ENDOU: variants seen among roughly 807,000 people sequenced by gnomAD.
The protein encoded by ENDOU is endonuclease, poly(U) specific.
A neutral mutation model predicts 54.2 loss-of-function variants in ENDOU; 49 were observed. The observed-to-expected ratio is 0.90, with a 90% CI of 0.72 to 1.15. ENDOU has a LOEUF of 1.15. Ranked by LOEUF, ENDOU falls within the 50% of genes most tolerant of loss-of-function variation. ENDOU has a pLI of 0.00. For synonymous variants in ENDOU, 172 were observed against 190.5 expected, an observed-to-expected ratio of 0.90 and a Z score of 0.80; for missense variants, 458 against 511.4, an observed-to-expected ratio of 0.90 and a Z score of 1.01.
In ENDOU at chr12:47,725,396, G is replaced by T. The variant is rs1940554098; in HGVS notation, c.18C>A (p.Ser6=). The part of the protein sequence containing the change: MRACI[S]LVLAVLCGLA... ...GGCCACACAGCACGGCCAATACCAGGGAGATGCAGGCCCTCATGGTGCCCA... is the reference window on the plus strand; with the variant it reads ...GGCCACACAGCACGGCCAATACCAGTGAGATGCAGGCCCTCATGGTGCCCA... Residue 6 remains serine (S), a synonymous_variant, in exon 1 of 10, where the codon TCC becomes TCA. Coordinates refer to ENST00000422538, the MANE Select transcript of ENDOU (RefSeq NM_001172439.2). 6.2e-7 allele frequency: 1 copy of T among 1,614,084 alleles called. No homozygotes were observed. Among genetic ancestry groups the T allele is most frequent in the Admixed American group, 1.7e-5 (1 of 60,010 alleles).
rs1041240382 is a variant in ENDOU, at chr12:47,710,066, G to A, written c.*736C>T. The A allele has an allele frequency of 1.3e-5, 2 of 152,298 alleles. No homozygotes were observed. The highest frequency in any genetic ancestry group is 2.9e-5 in the Non-Finnish European group (2 of 68,032). 9.4% of individuals were successfully genotyped at this position (152,298 alleles called of 1,614,324 possible). On this transcript the variant is annotated 3_prime_UTR_variant, in exon 10 of 10. Transcript: ENST00000422538. ...GGCTGCACTAAACATCCACAAGTGG[G>A]AAACTTCTTGTTGCAGATACTGAGC...
chr12:47,720,983 A>AGTAATGCCCTTCCCTGCC, intron 1 of ENDOU, 108 bp from the exon 2 acceptor site: 1 of 1,074,412 alleles, frequency 9.3e-7, no homozygotes, highest in Non-Finnish European at 1.3e-6. Flanking sequence ...CCTGGCAGGG[A>AGTAATGCCCTTCCCTGCC]AGGGCATTAC....
chr12:47,714,086 CTAG>C (rs941302121), intron 6 of ENDOU, among the ~76,000 whole-genome samples: 3 of 152,240 alleles, frequency 2.0e-5, no homozygotes, highest in Non-Finnish European at 2.9e-5. Flanking sequence ...TTCTGTCCAC[CTAG>C]TGCCTGCCAT....
rs138545744 is a variant in ENDOU, at chr12:47,711,632, C to G, written c.1115+1G>C. 6.1e-5 allele frequency: 98 copies of G among 1,612,868 alleles called. No individual in the cohort carries two copies. The African/African-American group carries it at 1.1e-3, about 18-fold the overall frequency. On this transcript the variant is annotated splice_donor_variant, in intron 9 of 9. Coordinates refer to ENST00000422538, the MANE Select transcript of ENDOU (RefSeq NM_001172439.2). LOFTEE classifies it high-confidence loss of function. ...CCAGGCCTGGCTGGCCCCATTCTTA[C>G]ACTTTGCCTGGCCTGGCGATGAAGC...
In ENDOU at chr12:47,718,112, T is replaced by C. The variant is rs1940320624; in HGVS notation, c.244+17A>G. ...CTGCTTTATCTTGAGGGCCCCCCTTTGGGGAGGCAGGCTCACTGCTGGCGA... is the reference window on the plus strand; with the variant it reads ...CTGCTTTATCTTGAGGGCCCCCCTTCGGGGAGGCAGGCTCACTGCTGGCGA... On this transcript the variant is annotated intron_variant, in intron 3 of 9. Coordinates refer to ENST00000422538, the MANE Select transcript of ENDOU (RefSeq NM_001172439.2). 1 of 1,556,950 alleles carries C rather than the reference T, an allele frequency of 6.4e-7. No homozygotes were observed. The highest frequency in any genetic ancestry group is 2.4e-5 in the East Asian group (1 of 42,206).
intron 9 of ENDOU, 63 bp downstream of exon 9, chr12:47,711,570 G>A: frequency 6.4e-7 from 1 of 1,570,234 alleles, no homozygotes; most frequent in Non-Finnish European, 8.6e-7. Context: ...TCTTGACTCT[G>A]TGATGGCTGA....
At chr12:47,713,816 G>T (rs1940130575) in intron 6 of ENDOU, among the ~76,000 whole-genome samples, 1 of 151,716 alleles carries the variant, frequency 6.6e-6, no homozygotes, top group South Asian at 2.1e-4. Flanking sequence ...AGAGCTGAAG[G>T]ATAAGGAACT....
intron 6 of ENDOU, among the ~76,000 whole-genome samples, chr12:47,715,479 C>A (rs1050983524): frequency 6.6e-6 from 1 of 152,340 alleles, no homozygotes; most frequent in African/African-American, 2.4e-5. Flanking sequence ...ACGAAGAGAA[C>A]GCCAGGGGGC....
At chr12:47,712,154 T>C (rs1054533654) in intron 8 of ENDOU, among the ~76,000 whole-genome samples, 2 of 152,218 alleles carry the variant, frequency 1.3e-5, no homozygotes, top group African/African-American at 4.8e-5. Context: ...ATAAAGTGTA[T>C]GAAGTTTAGC....
Position 47,712,607 on chromosome 12 carries a change from C to G in ENDOU, c.881G>C (p.Gly294Ala), listed in dbSNP as rs1463883993. The G allele has an allele frequency of 6.2e-7, 1 of 1,613,622 alleles. No homozygotes were observed. Among genetic ancestry groups the G allele is most frequent in the Non-Finnish European group, 8.5e-7 (1 of 1,179,606 alleles). Residue 294 changes from glycine (G) to alanine (A), a missense_variant, in exon 8 of 10, where the codon GGC (glycine) becomes GCC (alanine). By Grantham distance (60) the Gly-to-Ala change is moderately conservative. Coordinates refer to ENST00000422538, the MANE Select transcript of ENDOU (RefSeq NM_001172439.2). ...CCAGTTATGGAAGCCAGTAACCTTG[C>G]CTTTTTTTACCTCACCTATAATAAA... is the stretch of plus-strand genomic sequence containing the variant. ...EHVFSGEVKK[G>A]KVTGFHNWIR...
chr12:47,716,829 C>T (rs1940256882), intron 5 of ENDOU, 61 bp downstream of exon 5: 9 of 1,555,922 alleles, frequency 5.8e-6, no homozygotes, highest in African/African-American at 1.4e-5. Flanking sequence ...GTCGAGACAT[C>T]GAAAGAAGCA....
At chr12:47,711,001 A>C in intron 9 of ENDOU, 82 bp from the exon 10 acceptor site, 1 of 858,032 alleles carries the variant, frequency 1.2e-6, no homozygotes, top group Non-Finnish European at 1.9e-6. Context: ...AGCCCAACTG[A>C]AGCAGAAGGG....
chr12:47,722,214 G>C (rs7976748), intron 1 of ENDOU, among the ~76,000 whole-genome samples: 39,566 of 151,952 alleles, frequency 0.26, 5,812 homozygotes, highest in Non-Finnish European at 0.34. Flanking sequence ...TTAAATATTA[G>C]AGGTTGGGTT....
chr12:47,721,707 G>A (rs1265840025), intron 1 of ENDOU, among the ~76,000 whole-genome samples: 2 of 152,210 alleles, frequency 1.3e-5, no homozygotes, highest in Non-Finnish European at 2.9e-5. Context: ...GTTTGCAGAA[G>A]CAAGCTTTTG....
At chr12:47,711,887 G>C in intron 8 of ENDOU, 112 bp from the exon 9 acceptor site, 2 of 1,183,248 alleles carry the variant, frequency 1.7e-6, no homozygotes, top group Non-Finnish European at 2.4e-6. Context: ...TTAGGGGCCT[G>C]TGTGAACCTT....
intron 9 of ENDOU, 150 bp downstream of exon 9, chr12:47,711,483 G>A (rs967714190): frequency 8.5e-6 from 8 of 943,264 alleles, no homozygotes; most frequent in Admixed American, 5.8e-5. Flanking sequence ...AAACTTAATT[G>A]TTCAAGCAAG....
Position 47,720,700 on chromosome 12 carries a change from C to T in ENDOU, c.178+53G>A, listed in dbSNP as rs567018061. ...TGCTCTGGCCTGCTGGACACCCAGGCCAGTGGCCCCTTAGACAGGCTGGAC... is the reference window on the plus strand; with the variant it reads ...TGCTCTGGCCTGCTGGACACCCAGGTCAGTGGCCCCTTAGACAGGCTGGAC... On this transcript the variant is annotated intron_variant, in intron 2 of 9. Coordinates refer to ENST00000422538, the MANE Select transcript of ENDOU (RefSeq NM_001172439.2). 17 of 1,527,392 alleles carry T rather than the reference C, an allele frequency of 1.1e-5. No homozygotes were observed. In the East Asian group the frequency reaches 4.2e-4, roughly 38 times the overall value. The allele number at this position is 1,527,392 out of a possible 1,614,324, so 94.6% of individuals were successfully genotyped here. A position where few individuals can be genotyped will look rare whatever the true frequency, so the allele number is the denominator to read the frequency against.
intron 1 of ENDOU, among the ~76,000 whole-genome samples, chr12:47,722,486 GT>G (rs1192688201): frequency 6.6e-6 from 1 of 152,208 alleles, no homozygotes; most frequent in Non-Finnish European, 1.5e-5. Context: ...GTTAATATAT[GT>G]AAAGCACTTA....
chr12:47,713,212 T>C, intron 7 of ENDOU, 63 bp downstream of exon 7: 1 of 1,179,814 alleles, frequency 8.5e-7, no homozygotes, highest in Non-Finnish European at 1.3e-6. Context: ...GCTGCCCTGC[T>C]CCTGAGCAAA....
Sources: allele counts gnomAD v4.1 joint callset (sites outside exome capture counted in the v4.1 genomes callset), GRCh38; gene constraint gnomAD v4.1.1; transcripts MANE v1.5; gene names NCBI Gene and HGNC (gene_info 2026-07-23, HGNC 2026-07-21).